The following LDB2 variants were observed in gnomAD, a reference collection of about 807,000 sequenced individuals.
LDB2 encodes LIM domain-binding protein 2.
In LDB2, 12 loss-of-function variants were observed where a neutral mutation model predicts 44.3. That is an observed-to-expected ratio of 0.27 (90% CI 0.17 to 0.44). The LOEUF (loss-of-function observed/expected upper bound fraction) is 0.44. Ranked by LOEUF, LDB2 falls within the 20% of genes least tolerant of loss-of-function variation. The pLI, the probability that LDB2 is intolerant of heterozygous loss-of-function variation, is 1.00. For missense variants in LDB2, 344 were observed against 473.5 expected (o/e 0.73, Z 2.54); for synonymous variants, 164 against 174.8 (o/e 0.94, Z 0.49).
At chr4:16,894,966 T>C (rs1314047652) in intron 1 of LDB2, among the ~76,000 whole-genome samples, 1 of 151,978 alleles carries the variant, frequency 6.6e-6, no homozygotes, top group Non-Finnish European at 1.5e-5. Flanking sequence ...GAAAAATACA[T>C]AACGGAACTC....
At chr4:16,855,059 G>A (rs1255267935) in intron 1 of LDB2, among the ~76,000 whole-genome samples, 1 of 152,018 alleles carries the variant, frequency 6.6e-6, no homozygotes. Flanking sequence ...AGAAGGAAAT[G>A]CCTACAAAAT....
At chr4:16,735,283 G>A (rs183996762) in intron 2 of LDB2, among the ~76,000 whole-genome samples, 20 of 152,280 alleles carry the variant, frequency 1.3e-4, no homozygotes, top group Admixed American at 5.2e-4. Context: ...TCTGTAAGAA[G>A]AGAGGCTCAA....
intron 1 of LDB2, among the ~76,000 whole-genome samples, chr4:16,851,493 C>T (rs1279327595): frequency 6.6e-6 from 1 of 151,662 alleles, no homozygotes; most frequent in Non-Finnish European, 1.5e-5. Flanking sequence ...ACTTGGGAGG[C>T]TGAGGTGAGA....
Position 16,811,466 on chromosome 4 carries a change from T to A in LDB2, c.133-52206A>T, listed in dbSNP as rs542276207. On this transcript the variant is annotated intron_variant, in intron 1 of 7. Transcript: ENST00000304523. Reference sequence around the variant, plus strand: ...CATATTGCTATGACTAAACTTGGACTAAACTTCAATTCTCTGTGGTATACT... The same window carrying A: ...CATATTGCTATGACTAAACTTGGACAAAACTTCAATTCTCTGTGGTATACT... Among the ~76,000 whole-genome samples the A allele has an allele frequency of 1.8e-4, 27 of 152,356 alleles. No homozygotes were observed. In the East Asian group the frequency reaches 4.8e-3, roughly 27 times the overall value.
At chr4:16,528,373 A>C (rs1408048895) in intron 5 of LDB2, among the ~76,000 whole-genome samples, 1 of 152,256 alleles carries the variant, frequency 6.6e-6, no homozygotes, top group Non-Finnish European at 1.5e-5. Context: ...AAAATATTTT[A>C]AATAAGGTAA....
chr4:16,854,107 T>G (rs13135819), intron 1 of LDB2, among the ~76,000 whole-genome samples: 72,935 of 151,610 alleles, frequency 0.48, 18,697 homozygotes, highest in African/African-American at 0.66. Context: ...TATGGTATAG[T>G]TGATTCTTAC....
At chr4:16,525,567 T>C (rs28455496) in intron 5 of LDB2, among the ~76,000 whole-genome samples, 4,750 of 152,302 alleles carry the variant, frequency 0.031, 242 homozygotes, top group African/African-American at 0.11. Context: ...CAATTATTCA[T>C]TCACTAATTC....
At chr4:16,789,086 G>C (rs990137169) in intron 1 of LDB2, among the ~76,000 whole-genome samples, 3 of 152,178 alleles carry the variant, frequency 2.0e-5, no homozygotes, top group Non-Finnish European at 4.4e-5. Context: ...GCACACACTG[G>C]TTGGGGGAGG....
chr4:16,735,571 G>GAA lies in LDB2; in HGVS notation c.235+23585_235+23586dup, dbSNP rs72603164. Among the ~76,000 whole-genome samples the GAA allele has an allele frequency of 4.5e-4, 68 of 149,578 alleles. No homozygotes were observed. The East Asian group carries it at 5.1e-3, about 11-fold the overall frequency. The stretch of plus-strand genomic sequence containing the variant: ...CATTTCAATAAATGGAGAACGGACA[G>GAA]AAAAAAAAACAGCAATTTCTACAGG... On this transcript the variant is annotated intron_variant, in intron 2 of 7. Coordinates refer to ENST00000304523, the MANE Select transcript of LDB2 (RefSeq NM_001290.5).
Position 16,878,910 on chromosome 4 carries a change from T to C in LDB2, c.132+19444A>G, listed in dbSNP as rs77472978. ...CACCAATATAGGTCAGCTTTCCTTA[T>C]TTATTTTACGCTTTCACAGAAACAT... is the stretch of plus-strand genomic sequence containing the variant. On this transcript the variant is annotated intron_variant, in intron 1 of 7. Transcript: ENST00000304523. 4.6e-4 allele frequency among the ~76,000 whole-genome samples: 70 copies of C among 152,364 alleles called. No homozygotes were observed. The East Asian group carries it at 0.012, about 26-fold the overall frequency.
intron 2 of LDB2, among the ~76,000 whole-genome samples, chr4:16,664,280 T>C (rs1177750373): frequency 6.6e-6 from 1 of 152,210 alleles, no homozygotes; most frequent in African/African-American, 2.4e-5. Context: ...ACCAGGAAGC[T>C]GGCCCTCACT....
chr4:16,522,012 G>A (rs1272591513), intron 5 of LDB2, among the ~76,000 whole-genome samples: 2 of 152,174 alleles, frequency 1.3e-5, no homozygotes, highest in East Asian at 3.9e-4. Flanking sequence ...CCTTGGGCAA[G>A]TGACTTAATC....
chr4:16,769,357 C>G (rs1261974688), intron 1 of LDB2, among the ~76,000 whole-genome samples: 1 of 151,474 alleles, frequency 6.6e-6, no homozygotes, highest in African/African-American at 2.4e-5. Context: ...AGTGCAGTAG[C>G]ACAGTCTCGG....
intron 3 of LDB2, among the ~76,000 whole-genome samples, chr4:16,593,463 A>G (rs1287385437): frequency 1.3e-5 from 2 of 152,060 alleles, no homozygotes; most frequent in Non-Finnish European, 2.9e-5. Flanking sequence ...ATCACCAAGG[A>G]GCAAAAAAAC....
intron 1 of LDB2, among the ~76,000 whole-genome samples, chr4:16,801,017 A>G (rs757406617): frequency 2.6e-5 from 4 of 152,130 alleles, no homozygotes; most frequent in East Asian, 1.9e-4. Context: ...CTCACTCCCC[A>G]TGGGACACTG....
At chr4:16,844,829 T>C in intron 1 of LDB2, among the ~76,000 whole-genome samples, 1 of 152,222 alleles carries the variant, frequency 6.6e-6, no homozygotes, top group East Asian at 1.9e-4. Context: ...CCACCTAATG[T>C]TTTCTTCCAC....
Position 16,831,054 on chromosome 4 carries a change from A to G in LDB2, c.132+67300T>C, listed in dbSNP as rs34318567. ...GGAATCTATTATTGAGCAATCAAGC[A>G]CCTCTAGGCAATGGGGTTGAATAGA... is the stretch of plus-strand genomic sequence containing the variant. On this transcript the variant is annotated intron_variant, in intron 1 of 7. Transcript: ENST00000304523. 5.5e-3 allele frequency among the ~76,000 whole-genome samples: 843 copies of G among 152,082 alleles called. 16 individuals carry two copies. The highest frequency in any genetic ancestry group is 0.019 in the African/African-American group (809 of 41,488).
intron 2 of LDB2, among the ~76,000 whole-genome samples, chr4:16,596,370 T>C (rs1720909654): frequency 6.6e-6 from 1 of 152,196 alleles, no homozygotes; most frequent in Non-Finnish European, 1.5e-5. Context: ...ATTCTCTCAC[T>C]GTATCTTCAG....
intron 2 of LDB2, among the ~76,000 whole-genome samples, chr4:16,736,624 C>T (rs972173751): frequency 3.9e-5 from 6 of 152,254 alleles, no homozygotes; most frequent in South Asian, 4.2e-4. Context: ...GTGGGCAAGT[C>T]GCAGAATCTT....
Sources: allele counts gnomAD v4.1 joint callset (sites outside exome capture counted in the v4.1 genomes callset), GRCh38; gene constraint gnomAD v4.1.1; transcripts MANE v1.5; gene names NCBI Gene and HGNC (gene_info 2026-07-23, HGNC 2026-07-21).